Variants in DNAH12 observed in about 807,000 individuals in gnomAD.
DNAH12 encodes dynein axonemal heavy chain 12.
Under a neutral mutation model 371.5 loss-of-function variants are expected in DNAH12, and 285 were observed. The ratio of observed to expected loss-of-function variants is 0.77; its 90% CI spans 0.70 to 0.85. The LOEUF is 0.85. DNAH12 is among the 40% of genes least tolerant of loss of function. DNAH12 has a pLI of 0.00. For missense variants in DNAH12, 3,611 were observed against 3,689.4 expected (o/e 0.98, Z 0.55); for synonymous variants, 1,200 against 1,213.0 (o/e 0.99, Z 0.22).
At chr3:57,428,461 A>G in intron 34 of DNAH12, 172 bp downstream of exon 34, 3 of 1,534,676 alleles carry the variant, frequency 2.0e-6, no homozygotes, top group Non-Finnish European at 2.6e-6. Flanking sequence ...GAATAATTCA[A>G]CCCCTGAGTT....
chr3:57,416,650 A>G (rs1014835783), intron 37 of DNAH12, among the ~76,000 whole-genome samples: 1 of 152,150 alleles, frequency 6.6e-6, no homozygotes, highest in Non-Finnish European at 1.5e-5. Flanking sequence ...TTTGTGAGAG[A>G]TGGAATGACA....
At chr3:57,454,480 CA>C (rs5849208) in intron 23 of DNAH12, among the ~76,000 whole-genome samples, 14,545 of 121,994 alleles carry the variant, frequency 0.12, 2,289 homozygotes, top group African/African-American at 0.36. Context: ...AACTACATCT[CA>C]AAAAAAAAAA....
intron 29 of DNAH12, among the ~76,000 whole-genome samples, chr3:57,442,282 C>CTTT (rs11335744): frequency 0.024 from 3,541 of 149,216 alleles, 60 homozygotes; most frequent in Non-Finnish European, 0.034. Flanking sequence ...GCGTAAGAGG[C>CTTT]TTTTTTTTTT....
In DNAH12 at chr3:57,491,258, T is replaced by C. The variant is rs142031677; in HGVS notation, c.1336-1571A>G. Among the ~76,000 whole-genome samples, 204 of 152,186 alleles carry C rather than the reference T, an allele frequency of 1.3e-3. 1 individual carries two copies. The highest frequency in any genetic ancestry group is 4.7e-3 in the African/African-American group (195 of 41,534). On this transcript the variant is annotated intron_variant, in intron 11 of 73. Coordinates refer to ENST00000495027, the MANE Select transcript of DNAH12 (RefSeq NM_001366028.2). ...ACAAAACTAAACTATATTATTTAAG[T>C]ATACACACATAGGTGGTAAAACCAT...
At chr3:57,360,465 G>T (rs1205551930) in intron 58 of DNAH12, among the ~76,000 whole-genome samples, 1 of 152,114 alleles carries the variant, frequency 6.6e-6, no homozygotes, top group African/African-American at 2.4e-5. Flanking sequence ...AAGGCAGGCG[G>T]ATCACCTGAG....
rs2064492319 is a variant in DNAH12 at position 57,419,370 on chromosome 3, G to T, written c.5711C>A (p.Ala1904Glu). ...TGTTTATAGCAGAGTTCCTTACTTT[G>T]CATAGGTAATACTCAAATCCATTAG... Reference protein sequence around the residue: ...TFLMDLSITYAKPLLFVGPTG... With the variant: ...TFLMDLSITYEKPLLFVGPTG... Residue 1904 changes from alanine to glutamate, a missense_variant, in exon 37 of 74, where the codon GCA becomes GAA. By Grantham distance (107) the Ala-to-Glu change is moderately radical. Transcript: ENST00000495027. 6.7e-7 allele frequency: 1 copy of T among 1,495,012 alleles called. No homozygotes were observed. The highest frequency in any genetic ancestry group is 8.9e-7 in the Non-Finnish European group (1 of 1,129,384). The allele number at this position is 1,495,012 out of a possible 1,614,324, so 92.6% of individuals were successfully genotyped here.
chr3:57,429,723 T>C lies in DNAH12; in HGVS notation c.5032A>G (p.Ile1678Val), dbSNP rs1486344428. ...TGGGAAAGGTCCATTGTTTCAAAGA[T>C]GAGGCTCATTTGGGGGGACATCTGA... ...IIQMSPQMSL[I>V]FETMDLSQAS... Residue 1678 changes from isoleucine (I) to valine (V), a missense_variant, in exon 33 of 74, where the codon ATC becomes GTC. Physicochemically the swap from Ile to Val is conservative, Grantham distance 29. Around this residue, in one of 3 missense-constraint regions of DNAH12, gnomAD observed 2,266 missense variants for 2,236.9 expected, o/e 1.01. Transcript: ENST00000495027. 3 of 1,536,644 alleles carry C rather than the reference T, an allele frequency of 2.0e-6. No individual in the cohort carries two copies. The highest frequency in any genetic ancestry group is 5.0e-5 in the East Asian group (2 of 39,826).
rs115438974 is a variant in DNAH12, at chr3:57,489,833, T to C, written c.1336-146A>G. ...GACTAAAATTTTTTCCCTTGTTGCA[T>C]ACATATTTTTTTCACCTATTCTTTC... is the stretch of plus-strand genomic sequence containing the variant. On this transcript the variant is annotated intron_variant, in intron 11 of 73. Transcript: ENST00000495027. The C allele has an allele frequency of 5.1e-6, 4 of 776,746 alleles. No individual in the cohort carries two copies. The African/African-American group carries it at 7.4e-5, about 14-fold the overall frequency. 48.1% of individuals were successfully genotyped at this position (776,746 alleles called of 1,614,324 possible).
At chr3:57,413,202 G>A (rs1399213329) in intron 39 of DNAH12, among the ~76,000 whole-genome samples, 6 of 152,106 alleles carry the variant, frequency 3.9e-5, no homozygotes, top group Non-Finnish European at 7.4e-5. Context: ...GCTATATACT[G>A]TATTACTCCA....
At chr3:57,400,994 C>T (rs879151453) in intron 43 of DNAH12, among the ~76,000 whole-genome samples, 47,991 of 151,994 alleles carry the variant, frequency 0.32, 8,310 homozygotes, top group South Asian at 0.44. Flanking sequence ...TTTTAAAAGA[C>T]TGAAATCATA....
Position 57,489,407 on chromosome 3 carries a change from C to T in DNAH12, c.1514+102G>A, listed in dbSNP as rs1430130109. ...AGGCAGCTATGGAGAAAAAGTTGTA[C>T]GTACTTACATATTTTAAGCTTTTGT... On this transcript the variant is annotated intron_variant, in intron 12 of 73. Transcript: ENST00000495027. The T allele has an allele frequency of 1.8e-5, 22 of 1,208,510 alleles. No individual in the cohort carries two copies. In the South Asian group the frequency reaches 3.1e-4, roughly 17 times the overall value. The allele number at this position is 1,208,510 out of a possible 1,614,324, so 74.9% of individuals were successfully genotyped here. A position where few individuals can be genotyped will look rare whatever the true frequency, so the allele number is the denominator to read the frequency against.
At chr3:57,436,824 CA>C (rs1490882652) in intron 30 of DNAH12, 126 bp downstream of exon 30, 12 of 599,238 alleles carry the variant, frequency 2.0e-5, no homozygotes, top group African/African-American at 7.9e-5. Context: ...ACTGGGGGGC[CA>C]GGGGGCGGGC....
Position 57,419,351 on chromosome 3 carries a change from T to C in DNAH12, c.5714+16A>G, listed in dbSNP as rs751727330. 4 of 1,482,350 alleles carry C rather than the reference T, an allele frequency of 2.7e-6. No individual in the cohort carries two copies. Among genetic ancestry groups the C allele is most frequent in the Non-Finnish European group, 3.6e-6 (4 of 1,124,620 alleles). 91.8% of individuals were successfully genotyped at this position (1,482,350 alleles called of 1,614,324 possible). On this transcript the variant is annotated intron_variant, in intron 37 of 73. Coordinates refer to ENST00000495027, the MANE Select transcript of DNAH12 (RefSeq NM_001366028.2). Reference sequence around the variant, plus strand: ...CTTTTACATTCAAAATGCTTGTTTATAGCAGAGTTCCTTACTTTGCATAGG... The same window carrying C: ...CTTTTACATTCAAAATGCTTGTTTACAGCAGAGTTCCTTACTTTGCATAGG...
At chr3:57,408,174 TTC>T in intron 40 of DNAH12, 104 bp downstream of exon 40, 1 of 1,265,860 alleles carries the variant, frequency 7.9e-7, no homozygotes, top group Non-Finnish European at 1.0e-6. Flanking sequence ...TCTAAACAGT[TTC>T]TCTGACACCA....
chr3:57,418,166 T>C (rs6445876), intron 37 of DNAH12, among the ~76,000 whole-genome samples: 4 of 120,302 alleles, frequency 3.3e-5, no homozygotes, highest in Admixed American at 1.7e-4. Flanking sequence ...CTGAAATAAA[T>C]AAACAAATAA....
At chr3:57,419,851 C>T (rs1451255874) in intron 36 of DNAH12, among the ~76,000 whole-genome samples, 1 of 152,146 alleles carries the variant, frequency 6.6e-6, no homozygotes, top group African/African-American at 2.4e-5. Context: ...TCTTAACACT[C>T]CAATATTCCC....
intron 43 of DNAH12, among the ~76,000 whole-genome samples, chr3:57,395,185 T>A (rs2063711799): frequency 6.9e-6 from 1 of 144,118 alleles, no homozygotes; most frequent in Admixed American, 7.0e-5. Context: ...TCCATGCATA[T>A]CTCTTTTCAG....
chr3:57,339,185 C>T (rs928482135), intron 60 of DNAH12, among the ~76,000 whole-genome samples: 69 of 152,156 alleles, frequency 4.5e-4, no homozygotes, highest in African/African-American at 1.5e-3. Context: ...GCAGCATGCT[C>T]GTTAAGAGTC....
chr3:57,305,870 G>A (rs1016989043), intron 69 of DNAH12, among the ~76,000 whole-genome samples: 33 of 152,216 alleles, frequency 2.2e-4, no homozygotes, highest in Admixed American at 2.0e-3. Context: ...CCCCAGCCAC[G>A]TCTCCAGCAC....
Sources: allele counts gnomAD v4.1 joint callset (sites outside exome capture counted in the v4.1 genomes callset), GRCh38; gene constraint gnomAD v4.1.1; regional missense constraint gnomAD v4.1.1; transcripts MANE v1.5; gene names NCBI Gene and HGNC (gene_info 2026-07-23, HGNC 2026-07-21).